The following ADH5 variants were observed in gnomAD, a reference collection of about 807,000 sequenced individuals.
ADH5 encodes alcohol dehydrogenase class-3.
ADH5 carries 32 observed loss-of-function variants against 40.3 expected under a neutral mutation model. That is an observed-to-expected ratio of 0.79 (90% confidence interval 0.60 to 1.07). The LOEUF is 1.07. Ranked by LOEUF, ADH5 falls within the 50% of genes least tolerant of loss-of-function variation. The pLI is 0.00. For missense variants in ADH5, 353 were observed against 460.5 expected (o/e 0.77, Z 2.14); for synonymous variants, 125 against 154.3 (o/e 0.81, Z 1.41).
rs1374754470 is a variant in ADH5, at chr4:99,076,549, C to A, written c.568G>T (p.Glu190Ter). Residue 190 changes from glutamate to a stop codon, truncating the protein, a stop_gained, in exon 6 of 9, where the codon GAG (glutamate) becomes TAG (stop). Coordinates refer to ENST00000296412, the MANE Select transcript of ADH5 (RefSeq NM_000671.4). LOFTEE classifies it high-confidence loss of function. The part of the protein sequence containing the change: ...YGAAVNTAKL[E>*]PGSVCAVFGL... ...AAGACGGCACAAACAGAGCCAGGCT[C>A]CAACTAGGAGTAAAGAAAGTTTATA... 1 of 1,613,130 alleles carries A rather than the reference C, an allele frequency of 6.2e-7. No individual in the cohort carries two copies. Among genetic ancestry groups the A allele is most frequent in the Admixed American group, 1.7e-5 (1 of 59,854 alleles).
At chr4:99,072,482 T>G in intron 8 of ADH5, 41 bp from the exon 9 acceptor site, 2 of 1,611,256 alleles carry the variant, frequency 1.2e-6, no homozygotes, top group Non-Finnish European at 1.7e-6. Flanking sequence ...AATGATACCT[T>G]TAAGACAACT....
In ADH5 at chr4:99,088,685, C is replaced by G. The variant is rs749858663; in HGVS notation, c.12+4G>C. On this transcript the variant is annotated splice_donor_region_variant and intron_variant, in intron 1 of 8. Coordinates refer to ENST00000296412, the MANE Select transcript of ADH5 (RefSeq NM_000671.4). ...CTCAGGGCCCTCCGCTCAACGGGCC[C>G]TACCTCGTTCGCCATGTTCACGGAT... 3 of 1,608,492 alleles carry G rather than the reference C, an allele frequency of 1.9e-6. No homozygotes were observed. Among genetic ancestry groups the G allele is most frequent in the Non-Finnish European group, 2.5e-6 (3 of 1,176,848 alleles).
chr4:99,084,398 T>G (rs960768544), intron 2 of ADH5, among the ~76,000 whole-genome samples: 25 of 152,302 alleles, frequency 1.6e-4, no homozygotes, highest in Non-Finnish European at 2.9e-5. Flanking sequence ...ATAGTGCATT[T>G]GTACACCAAA....
rs766462676 is a variant in ADH5, at chr4:99,076,940, G to A, written c.345-17C>T. On this transcript the variant is annotated splice_polypyrimidine_tract_variant and intron_variant, in intron 4 of 8. Transcript: ENST00000296412. The stretch of plus-strand genomic sequence containing the variant: ...TGAGTGACTCTAAAGAAAAAAAAAG[G>A]AAAAAGGCAAGTTGGAATTAGGTTT... 1 of 1,573,000 alleles carries A rather than the reference G, an allele frequency of 6.4e-7. No individual in the cohort carries two copies. The highest frequency in any genetic ancestry group is 1.9e-5 in the Admixed American group (1 of 53,112).
At chr4:99,074,108 A>G (rs1370968572) in intron 7 of ADH5, among the ~76,000 whole-genome samples, 1 of 152,224 alleles carries the variant, frequency 6.6e-6, no homozygotes, top group Admixed American at 6.5e-5. Context: ...AAAAGCTGGC[A>G]TAATATGAGG....
chr4:99,084,777 T>C (rs892643679), intron 2 of ADH5, among the ~76,000 whole-genome samples: 1 of 152,238 alleles, frequency 6.6e-6, no homozygotes, highest in African/African-American at 2.4e-5. Flanking sequence ...CTTTTGTTTC[T>C]AACGTGTCAG....
intron 1 of ADH5, among the ~76,000 whole-genome samples, chr4:99,087,974 C>T (rs932320670): frequency 1.3e-5 from 2 of 152,160 alleles, no homozygotes; most frequent in Non-Finnish European, 2.9e-5. Flanking sequence ...TTCTGCCTTT[C>T]TTTACTGTCT....
chr4:99,081,882 A>G, intron 3 of ADH5, 93 bp downstream of exon 3: 3 of 1,278,758 alleles, frequency 2.3e-6, no homozygotes, highest in South Asian at 2.8e-5. Context: ...GATGATACCT[A>G]TTCATAAATA....
intron 2 of ADH5, among the ~76,000 whole-genome samples, chr4:99,082,788 T>A (rs558647441): frequency 6.6e-6 from 1 of 152,316 alleles, no homozygotes; most frequent in African/African-American, 2.4e-5. Flanking sequence ...GTGATTCTCC[T>A]GCTTCAGCCT....
In ADH5 at chr4:99,076,043, G is replaced by A; in HGVS notation, c.825+249C>T. The A allele has an allele frequency of 1.3e-5, 6 of 457,198 alleles. No homozygotes were observed. In the South Asian group the frequency reaches 1.5e-4, roughly 11 times the overall value. The allele number at this position is 457,198 out of a possible 1,614,324, so 28.3% of individuals were successfully genotyped here. A position where few individuals can be genotyped will look rare whatever the true frequency, so the allele number is the denominator to read the frequency against. On this transcript the variant is annotated intron_variant, in intron 6 of 8. Transcript: ENST00000296412. ...ATGCTCTGCACAACTGCTTTATTCT[G>A]TCTTTTCATTTCATGAGACATGCAC...
intron 2 of ADH5, among the ~76,000 whole-genome samples, chr4:99,082,318 T>C (rs961671480): frequency 6.6e-6 from 1 of 152,236 alleles, no homozygotes; most frequent in Non-Finnish European, 1.5e-5. Context: ...AATTTTTTAG[T>C]GGTACATAAA....
chr4:99,078,260 T>C (rs1289816687), intron 4 of ADH5, among the ~76,000 whole-genome samples: 2 of 152,144 alleles, frequency 1.3e-5, no homozygotes, highest in Non-Finnish European at 2.9e-5. Flanking sequence ...ATTTGATGTA[T>C]ACTCTTAAAC....
rs1246007718 is a variant in ADH5 at position 99,071,568 on chromosome 4, AAAAAT to A, written c.*844_*848del. 6.6e-6 allele frequency: 1 copy of A among 152,240 alleles called. No individual in the cohort carries two copies. The highest frequency in any genetic ancestry group is 1.5e-5 in the Non-Finnish European group (1 of 68,034). The allele number at this position is 152,240 out of a possible 1,614,324, so 9.4% of individuals were successfully genotyped here. A position where few individuals can be genotyped will look rare whatever the true frequency, so the allele number is the denominator to read the frequency against. ...TGTAGAATGAGCAAGTATGAGGCTT[AAAAAT>A]ATATAAAACAGTACTAAAGAGTAGA... On this transcript the variant is annotated 3_prime_UTR_variant, in exon 9 of 9. Coordinates refer to ENST00000296412, the MANE Select transcript of ADH5 (RefSeq NM_000671.4).
chr4:99,081,893 G>T, intron 3 of ADH5, 82 bp downstream of exon 3: 1 of 1,409,540 alleles, frequency 7.1e-7, no homozygotes, highest in Non-Finnish European at 9.8e-7. Context: ...TTCATAAATA[G>T]TGGGTAGTTT....
chr4:99,088,722 CGG>C lies in ADH5; in HGVS notation c.-24_-23del, dbSNP rs753167271. ...CCATGTTCACGGATTCTGGTCGGCG[CGG>C]GGGGCTGACATCCGGGGTGGGCCGC... is the stretch of plus-strand genomic sequence containing the variant. On this transcript the variant is annotated 5_prime_UTR_variant, in exon 1 of 9. The change abolishes the stop of an existing upstream ORF in the 5' untranslated region. Coordinates refer to ENST00000296412, the MANE Select transcript of ADH5 (RefSeq NM_000671.4). 2 of 1,400,882 alleles carry C rather than the reference CGG, an allele frequency of 1.4e-6. No homozygotes were observed. Among genetic ancestry groups the C allele is most frequent in the African/African-American group, 3.1e-5 (2 of 65,042 alleles). The allele number at this position is 1,400,882 out of a possible 1,614,324, so 86.8% of individuals were successfully genotyped here. A position where few individuals can be genotyped will look rare whatever the true frequency, so the allele number is the denominator to read the frequency against.
chr4:99,088,610 GC>G, intron 1 of ADH5, 78 bp downstream of exon 1: 3 of 1,404,110 alleles, frequency 2.1e-6, no homozygotes, highest in South Asian at 1.6e-5. Flanking sequence ...AGCCTCGCGC[GC>G]CCCCGAGGAT....
Position 99,085,518 on chromosome 4 carries a change from G to A in ADH5, c.13-302C>T, listed in dbSNP as rs28730578. 6.7e-3 allele frequency: 1,941 copies of A among 289,802 alleles called. 26 individuals are homozygous for A. The highest frequency in any genetic ancestry group is 0.037 in the African/African-American group (1,698 of 45,962). 18.0% of individuals were successfully genotyped at this position (289,802 alleles called of 1,614,324 possible). ...AAAGCAGGTTAAGAACACAAGTTCC[G>A]AGAGAATCTGATTCAGCAGGTCTGG... On this transcript the variant is annotated intron_variant, in intron 1 of 8. Transcript: ENST00000296412.
intron 2 of ADH5, among the ~76,000 whole-genome samples, chr4:99,082,317 G>A (rs1317763829): frequency 2.6e-5 from 4 of 152,110 alleles, no homozygotes; most frequent in Non-Finnish European, 5.9e-5. Flanking sequence ...CAATTTTTTA[G>A]TGGTACATAA....
In ADH5 at chr4:99,071,815, A is replaced by G. The variant is rs1727839584; in HGVS notation, c.*602T>C. ...TCACAACCAACACATACATACACCT[A>G]TTTAAGCCCAGAATGCTGTTTCAAT... is the stretch of plus-strand genomic sequence containing the variant. On this transcript the variant is annotated 3_prime_UTR_variant, in exon 9 of 9. Coordinates refer to ENST00000296412, the MANE Select transcript of ADH5 (RefSeq NM_000671.4). 1 of 152,492 alleles carries G rather than the reference A, an allele frequency of 6.6e-6. No individual in the cohort carries two copies. The highest frequency in any genetic ancestry group is 2.4e-5 in the African/African-American group (1 of 41,468). 9.4% of individuals were successfully genotyped at this position (152,492 alleles called of 1,614,324 possible).
Sources: gnomAD v4.1 joint callset for allele counts (sites outside exome capture counted in the v4.1 genomes callset) on GRCh38, gnomAD v4.1.1 for gene constraint, MANE v1.5 for transcripts, NCBI Gene and HGNC (gene_info 2026-07-23, HGNC 2026-07-21) for gene names.